The following AMPD3 variants were observed in gnomAD, a reference collection of about 807,000 sequenced individuals.
AMPD3 encodes the protein adenosine monophosphate deaminase 3.
Under a neutral mutation model 82.3 loss-of-function variants are expected in AMPD3, and 57 were observed. The ratio of observed to expected loss-of-function variants is 0.69; its 90% confidence interval spans 0.56 to 0.86. The LOEUF (loss-of-function observed/expected upper bound fraction) is 0.86, where lower values mean the gene tolerates loss of function less well. Ranked by LOEUF, AMPD3 falls within the 40% of genes least tolerant of loss-of-function variation. The probability of loss-of-function intolerance (pLI) is 0.00; values close to 1 mark genes in which losing one functional copy is unlikely to be tolerated. For missense variants in AMPD3, 870 were observed against 1,003.8 expected (o/e 0.87, Z 1.80); for synonymous variants, 381 against 394.7 (o/e 0.97, Z 0.41).
intron 2 of AMPD3, among the ~76,000 whole-genome samples, chr11:10,473,906 A>G (rs890817781): frequency 1.3e-5 from 2 of 152,130 alleles, no homozygotes; most frequent in Non-Finnish European, 2.9e-5. Flanking sequence ...CTGGTTTGTG[A>G]CTTCTGATTC....
intron 4 of AMPD3, 123 bp downstream of exon 4, chr11:10,482,348 G>T (rs1296846721): frequency 1.1e-5 from 12 of 1,133,662 alleles, no homozygotes; most frequent in Non-Finnish European, 1.5e-5. Context: ...TCTTTCATTG[G>T]CTTCTCCCAC....
At chr11:10,477,962 C>G (rs1054244991) in intron 2 of AMPD3, 1 of 985,308 alleles carries the variant, frequency 1.0e-6, no homozygotes, top group African/African-American at 1.7e-5. Context: ...TGTCTCGACT[C>G]CTTTGTAAAA....
chr11:10,458,269 A>AG (rs1397835847), intron 1 of AMPD3, among the ~76,000 whole-genome samples: 1 of 116,314 alleles, frequency 8.6e-6, no homozygotes, highest in Admixed American at 8.8e-5. Flanking sequence ...AAAAAAAAAA[A>AG]AAAAAAAATT....
At chr11:10,454,986 G>T (rs1848051337), upstream of AMPD3, 1 of 263,442 alleles carries the variant, frequency 3.8e-6, no homozygotes, top group African/African-American at 2.3e-5. Flanking sequence ...GCAGCCCGAG[G>T]ATCATGTGTC....
In AMPD3 at chr11:10,464,844, T is replaced by G. The variant is rs1848374265; in HGVS notation, c.221+3104T>G. Among the ~76,000 whole-genome samples, 6 of 152,248 alleles carry G rather than the reference T, an allele frequency of 3.9e-5. No individual in the cohort carries two copies. The South Asian group carries it at 1.2e-3, about 31-fold the overall frequency. On this transcript the variant is annotated intron_variant, in intron 2 of 14. Coordinates refer to ENST00000396553, the MANE Select transcript of AMPD3 (RefSeq NM_001025389.2). ...TCTTACTTTACACAGAATTCTATAATCTGGCTATATTGTTTCTTATCCCGT... is the reference window on the plus strand; with the variant it reads ...TCTTACTTTACACAGAATTCTATAAGCTGGCTATATTGTTTCTTATCCCGT...
At chr11:10,494,080 C>T (rs535508969) in intron 7 of AMPD3, among the ~76,000 whole-genome samples, 29 of 152,240 alleles carry the variant, frequency 1.9e-4, no homozygotes, top group African/African-American at 4.6e-4. Context: ...TAGAAACAGC[C>T]GGTGTTCATC....
Position 10,496,736 on chromosome 11 carries a change from A to G in AMPD3, c.1431-76A>G. On this transcript the variant is annotated intron_variant, in intron 9 of 14. Coordinates refer to ENST00000396553, the MANE Select transcript of AMPD3 (RefSeq NM_001025389.2). The stretch of plus-strand genomic sequence containing the variant: ...GATGGGGACACAGGGTGCCTGAGGA[A>G]GTGACTGGGGCTGGTCTCTGACAGG... The G allele has an allele frequency of 1.9e-6, 3 of 1,611,326 alleles. No homozygotes were observed. In the South Asian group the frequency reaches 3.3e-5, roughly 18 times the overall value.
In AMPD3 at chr11:10,485,018, C is replaced by T; in HGVS notation, c.788C>T (p.Ala263Val). The change falls in exon 5 of 15, where the codon GCT becomes GTT. Residue 263 changes from alanine (A) to valine (V), a missense_variant. Physicochemically the swap from Ala to Val is moderately conservative, Grantham distance 64. Coordinates refer to ENST00000396553, the MANE Select transcript of AMPD3 (RefSeq NM_001025389.2). ...ACGGTGGACATGAGCCACATCCTGGCTCTCATCACCGATGGCCCCACGTAA... is the reference window on the plus strand; with the variant it reads ...ACGGTGGACATGAGCCACATCCTGGTTCTCATCACCGATGGCCCCACGTAA... ...TYTVDMSHIL[A>V]LITDGPTKTY... is the part of the protein sequence containing the mutation. 1.2e-6 allele frequency: 2 copies of T among 1,613,732 alleles called. No homozygotes were observed. The highest frequency in any genetic ancestry group is 8.5e-7 in the Non-Finnish European group (1 of 1,179,972).
intron 1 of AMPD3, among the ~76,000 whole-genome samples, chr11:10,460,084 TA>T (rs1176596660): frequency 1.4e-5 from 2 of 140,394 alleles, no homozygotes; most frequent in Non-Finnish European, 3.0e-5. Flanking sequence ...ATATATATTT[TA>T]TATATATATA....
intron 8 of AMPD3, 128 bp downstream of exon 8, chr11:10,495,158 G>A: frequency 6.3e-7 from 1 of 1,598,728 alleles, no homozygotes; most frequent in Middle Eastern, 2.0e-4. Context: ...AGGGAAGGGT[G>A]AGGTGCCCAG....
At chr11:10,475,120 G>C (rs995440335) in intron 2 of AMPD3, among the ~76,000 whole-genome samples, 1 of 152,204 alleles carries the variant, frequency 6.6e-6, no homozygotes, top group African/African-American at 2.4e-5. Context: ...ATCTGCTTCT[G>C]AGGAAGCCTC....
chr11:10,496,558 T>C (rs1849406652), intron 9 of AMPD3: 1 of 985,116 alleles, frequency 1.0e-6, no homozygotes, highest in Non-Finnish European at 1.2e-6. Context: ...CACCATCCCA[T>C]TCCTAGTGGC....
intron 13 of AMPD3, among the ~76,000 whole-genome samples, chr11:10,503,751 G>A (rs1849640163): frequency 6.6e-6 from 1 of 152,058 alleles, no homozygotes; most frequent in African/African-American, 2.4e-5. Context: ...ATGTCTTAAT[G>A]GAAGTCAGCA....
Position 10,486,766 on chromosome 11 carries a change from TC to T in AMPD3, c.810-468del, listed in dbSNP as rs376680025. The T allele has an allele frequency of 8.1e-5, 80 of 985,288 alleles. 2 individuals are homozygous for T. The highest frequency in any genetic ancestry group is 1.0e-3 in the Middle Eastern group (2 of 1,914). The allele number at this position is 985,288 out of a possible 1,614,324, so 61.0% of individuals were successfully genotyped here. On this transcript the variant is annotated intron_variant, in intron 5 of 14. Transcript: ENST00000396553. ...TCAATCCTCTGGGCAACAAACTCCT[TC>T]TTCAAGGAATGACAAGTGGCTGAGG...
chr11:10,478,310 G>T (rs1381524139), intron 2 of AMPD3: 1 of 985,302 alleles, frequency 1.0e-6, no homozygotes, highest in East Asian at 1.1e-4. Context: ...GCAGTGCATG[G>T]TGACCACAGG....
chr11:10,480,021 C>G lies in AMPD3; in HGVS notation c.426+1291C>G, dbSNP rs562861532. 20 of 934,984 alleles carry G rather than the reference C, an allele frequency of 2.1e-5. No homozygotes were observed. In the South Asian group the frequency reaches 8.9e-4, roughly 41 times the overall value. 57.9% of individuals were successfully genotyped at this position (934,984 alleles called of 1,614,324 possible). ...AGAGTCGAGGTGGGTCGGCCACCAG[C>G]TGAATGGGAGGATGTCAGCCTGTAG... On this transcript the variant is annotated intron_variant, in intron 3 of 14. Transcript: ENST00000396553.
intron 2 of AMPD3, among the ~76,000 whole-genome samples, chr11:10,466,466 T>C (rs7120456): frequency 0.99 from 150,692 of 152,244 alleles, 74,600 homozygotes; most frequent in Middle Eastern, 1. Context: ...TCAGCAAAGC[T>C]GCTGTGGCCA....
intron 2 of AMPD3, among the ~76,000 whole-genome samples, chr11:10,465,513 A>G (rs1317296146): frequency 1.3e-5 from 2 of 152,248 alleles, no homozygotes; most frequent in Non-Finnish European, 2.9e-5. Context: ...CAACTGAGGT[A>G]CTGGTTCATC....
rs867679614 is a variant in AMPD3, at chr11:10,504,571, C to G, written c.2039C>G (p.Ala680Gly). 2.5e-6 allele frequency: 4 copies of G among 1,614,134 alleles called. No homozygotes were observed. Among genetic ancestry groups the G allele is most frequent in the South Asian group, 2.2e-5 (2 of 91,078 alleles). The change falls in exon 14 of 15, where the codon GCC (alanine) becomes GGC (glycine). Residue 680 changes from alanine (A) to glycine (G), a missense_variant. By Grantham distance (60) the Ala-to-Gly change is moderately conservative (BLOSUM62 0). Transcript: ENST00000396553. Reference sequence around the variant, plus strand: ...TAGGAAGCACTTATGGAAGAATATGCCATTGCAGCTCAAGTGTGGAAGCTG... The same window carrying G: ...TAGGAAGCACTTATGGAAGAATATGGCATTGCAGCTCAAGTGTGGAAGCTG... ...YTKEALMEEY[A>G]IAAQVWKLST...
Sources: allele counts gnomAD v4.1 joint callset (sites outside exome capture counted in the v4.1 genomes callset), GRCh38; gene constraint gnomAD v4.1.1; transcripts MANE v1.5; gene names NCBI Gene and HGNC (gene_info 2026-07-23, HGNC 2026-07-21).